The following PARP8 variants were observed in gnomAD, a reference collection of about 807,000 sequenced individuals.
PARP8 encodes the protein protein mono-ADP-ribosyltransferase PARP8.
A neutral mutation model predicts 124.1 loss-of-function variants in PARP8; 51 were observed. That is an observed-to-expected ratio of 0.41 (90% confidence interval 0.33 to 0.52). The LOEUF (loss-of-function observed/expected upper bound fraction) is 0.52. PARP8 is among the 20% of genes least tolerant of loss of function. PARP8 has a pLI of 0.21. For missense variants in PARP8, 860 were observed against 1,018.9 expected (o/e 0.84, Z 2.12); for synonymous variants, 391 against 361.5 (o/e 1.08, Z -0.93).
At chr5:50,739,328 G>A (rs1454417718) in intron 2 of PARP8, among the ~76,000 whole-genome samples, 1 of 151,844 alleles carries the variant, frequency 6.6e-6, no homozygotes, top group Non-Finnish European at 1.5e-5. Context: ...GGATATTGAG[G>A]AGGCCTTTGG....
Position 50,821,312 on chromosome 5 carries a change from C to A in PARP8, c.1768C>A (p.Pro590Thr). Residue 590 changes from proline (P) to threonine (T), a missense_variant, in exon 16 of 26, where the codon CCT becomes ACT. Pro to Thr is a conservative substitution (Grantham distance 38). Around this residue, in one of 2 missense-constraint regions of PARP8, gnomAD observed 343 missense variants for 474.7 expected, o/e 0.72. Coordinates refer to ENST00000281631, the MANE Select transcript of PARP8 (RefSeq NM_024615.4). Reference sequence around the variant, plus strand: ...TCCTTCTGTGGTAGATCCTAATGATCCTCAGATGTTGGCCTTCAACCCCAG... The same window carrying A: ...TCCTTCTGTGGTAGATCCTAATGATACTCAGATGTTGGCCTTCAACCCCAG... ...PYPSVVDPND[P>T]QMLAFNPRKK... 1 of 1,614,022 alleles carries A rather than the reference C, an allele frequency of 6.2e-7. No homozygotes were observed. Among genetic ancestry groups the A allele is most frequent in the African/African-American group, 1.3e-5 (1 of 75,012 alleles).
At chr5:50,689,083 T>TG (rs1307277311) in intron 2 of PARP8, among the ~76,000 whole-genome samples, 2 of 146,470 alleles carry the variant, frequency 1.4e-5, no homozygotes, top group Admixed American at 7.1e-5. Context: ...ACAGTGTTCC[T>TG]GGGGGCTCTT....
At chr5:50,824,735 AT>A (rs1746151671) in intron 17 of PARP8, among the ~76,000 whole-genome samples, 172 bp from the exon 18 acceptor site, 1 of 152,118 alleles carries the variant, frequency 6.6e-6, no homozygotes, top group South Asian at 2.1e-4. Context: ...AAAGTTCACA[AT>A]TCCCATCATC....
chr5:50,759,759 A>G (rs1760354777), intron 4 of PARP8, 27 bp downstream of exon 4: 2 of 1,535,084 alleles, frequency 1.3e-6, no homozygotes, highest in East Asian at 2.4e-5. Flanking sequence ...TTTTTATACT[A>G]GGTTAATTTT....
At chr5:50,790,541 A>T (rs1165467830) in intron 10 of PARP8, among the ~76,000 whole-genome samples, 1 of 152,120 alleles carries the variant, frequency 6.6e-6, no homozygotes, top group African/African-American at 2.4e-5. Flanking sequence ...GTACTTTTGC[A>T]AGACACTTAC....
intron 17 of PARP8, among the ~76,000 whole-genome samples, chr5:50,824,513 T>G (rs1193250715): frequency 6.6e-6 from 1 of 152,076 alleles, no homozygotes; most frequent in Non-Finnish European, 1.5e-5. Context: ...CAGAAGGGGA[T>G]AAGTGGAGAA....
In PARP8 at chr5:50,770,782, T is replaced by C. The variant is rs1181167998; in HGVS notation, c.519-7287T>C. ...GATGCGGCAGAGACTGTATGTAGCCTGAAAATCCTAAAATATTTACTCTCT... is the reference window on the plus strand; with the variant it reads ...GATGCGGCAGAGACTGTATGTAGCCCGAAAATCCTAAAATATTTACTCTCT... On this transcript the variant is annotated intron_variant, in intron 7 of 25. Transcript: ENST00000281631. Among the ~76,000 whole-genome samples, 3 of 152,104 alleles carry C rather than the reference T, an allele frequency of 2.0e-5. No individual in the cohort carries two copies. In the East Asian group the frequency reaches 5.8e-4, roughly 29 times the overall value.
In PARP8 at chr5:50,843,033, CCAG is replaced by C. The variant is rs1748331438; in HGVS notation, c.*968_*970del. Reference sequence around the variant, plus strand: ...ATTATACAATTTTATTTATGCCACACCAGCATTTTTATATTTGTTCATCTAATA... The same window carrying C: ...ATTATACAATTTTATTTATGCCACACCATTTTTATATTTGTTCATCTAATA... On this transcript the variant is annotated 3_prime_UTR_variant, in exon 26 of 26. Coordinates refer to ENST00000281631, the MANE Select transcript of PARP8 (RefSeq NM_024615.4). The C allele has an allele frequency of 1.3e-5, 2 of 151,592 alleles. No homozygotes were observed. Among genetic ancestry groups the C allele is most frequent in the African/African-American group, 4.8e-5 (2 of 41,338 alleles). The allele number at this position is 151,592 out of a possible 1,614,324, so 9.4% of individuals were successfully genotyped here.
chr5:50,721,535 A>T (rs7710239), intron 2 of PARP8, among the ~76,000 whole-genome samples: 3 of 152,044 alleles, frequency 2.0e-5, no homozygotes, highest in Non-Finnish European at 4.4e-5. Context: ...TCTTAATTCC[A>T]AAAGTCAAGG....
chr5:50,684,588 G>A (rs1030156487), intron 2 of PARP8, among the ~76,000 whole-genome samples: 14 of 151,898 alleles, frequency 9.2e-5, no homozygotes, highest in Non-Finnish European at 1.5e-4. Context: ...GTCTAGTCTT[G>A]ACAGAGCACC....
At chr5:50,730,036 A>C (rs1756822321) in intron 2 of PARP8, among the ~76,000 whole-genome samples, 2 of 152,200 alleles carry the variant, frequency 1.3e-5, no homozygotes, top group Non-Finnish European at 2.9e-5. Context: ...GAAATACATT[A>C]AGATATTAGA....
chr5:50,839,114 T>A (rs1747895070), intron 25 of PARP8, among the ~76,000 whole-genome samples: 1 of 152,008 alleles, frequency 6.6e-6, no homozygotes, highest in African/African-American at 2.4e-5. Context: ...ATTTATGAAA[T>A]GTTCTTACAT....
intron 15 of PARP8, among the ~76,000 whole-genome samples, chr5:50,820,614 C>T (rs931812440): frequency 2.0e-5 from 3 of 152,180 alleles, no homozygotes; most frequent in Non-Finnish European, 4.4e-5. Flanking sequence ...TGTTGTCAGG[C>T]AATTAGCTAT....
In PARP8 at chr5:50,824,932, C is replaced by T; in HGVS notation, c.1885C>T (p.Gln629Ter). 3 of 1,612,962 alleles carry T rather than the reference C, an allele frequency of 1.9e-6. No individual in the cohort carries two copies. The highest frequency in any genetic ancestry group is 2.5e-6 in the Non-Finnish European group (3 of 1,179,178). Residue 629 changes from glutamine to a stop codon, truncating the protein, a stop_gained, in exon 18 of 26, where the codon CAA (glutamine) becomes TAA (stop). Coordinates refer to ENST00000281631, the MANE Select transcript of PARP8 (RefSeq NM_024615.4). LOFTEE classifies it high-confidence loss of function. ...GGCACCATATCTGGAAATCAAGAAG[C>T]AAATGGATAAACAGGACCCCCTTGC... ...TQAPYLEIKK[Q>*]MDKQDPLAHP... is the part of the protein sequence containing the mutation.
chr5:50,735,536 T>C (rs1266945554), intron 2 of PARP8, among the ~76,000 whole-genome samples: 1 of 152,188 alleles, frequency 6.6e-6, no homozygotes, highest in Non-Finnish European at 1.5e-5. Flanking sequence ...AAATCAGGCT[T>C]ATAAACAGAC....
chr5:50,700,706 A>G (rs553069882), intron 2 of PARP8, among the ~76,000 whole-genome samples: 54 of 152,288 alleles, frequency 3.5e-4, no homozygotes, highest in African/African-American at 1.3e-3. Flanking sequence ...TATTGCTTAT[A>G]TTTAATAACT....
In PARP8 at chr5:50,667,038, G is replaced by T; in HGVS notation, c.-58G>T. ...GAATATTTACGAAAGCTGGAAGCGT[G>T]CGAGGGGGGTGGGGTGGGGTGGAAA... On this transcript the variant is annotated 5_prime_UTR_variant, in exon 1 of 26. Coordinates refer to ENST00000281631, the MANE Select transcript of PARP8 (RefSeq NM_024615.4). The T allele has an allele frequency of 6.3e-7, 1 of 1,595,416 alleles. No individual in the cohort carries two copies. The highest frequency in any genetic ancestry group is 8.5e-7 in the Non-Finnish European group (1 of 1,179,170).
intron 2 of PARP8, among the ~76,000 whole-genome samples, chr5:50,740,833 A>T (rs1425617939): frequency 2.6e-5 from 4 of 151,396 alleles, no homozygotes; most frequent in South Asian, 2.1e-4. Flanking sequence ...AAAAAAAAAG[A>T]TTATATATTT....
At chr5:50,773,891 G>T (rs562567438) in intron 7 of PARP8, among the ~76,000 whole-genome samples, 8 of 150,700 alleles carry the variant, frequency 5.3e-5, no homozygotes, top group Middle Eastern at 3.4e-3. Flanking sequence ...TGGAGAGGGG[G>T]ATGTGGCAGG....
Sources: allele counts gnomAD v4.1 joint callset (sites outside exome capture counted in the v4.1 genomes callset), GRCh38; gene constraint gnomAD v4.1.1; regional missense constraint gnomAD v4.1.1; transcripts MANE v1.5; gene names NCBI Gene and HGNC (gene_info 2026-07-23, HGNC 2026-07-21).